DHRS12: variants seen among roughly 807,000 people sequenced by gnomAD.
The protein encoded by DHRS12 is dehydrogenase/reductase SDR family member 12.
Under a neutral mutation model 32.1 loss-of-function variants are expected in DHRS12, and 29 were observed. The ratio of observed to expected loss-of-function variants is 0.90; its 90% CI spans 0.67 to 1.23. The LOEUF (loss-of-function observed/expected upper bound fraction) is 1.23, where lower values mean the gene tolerates loss of function less well. Ranked by LOEUF, DHRS12 falls within the 50% of genes most tolerant of loss-of-function variation. The pLI is 0.00. For synonymous variants in DHRS12, 150 were observed against 135.9 expected, an observed-to-expected ratio of 1.10 and a Z score of -0.72; for missense variants, 330 against 337.2, an observed-to-expected ratio of 0.98 and a Z score of 0.17.
At chr13:51,770,733 A>G (rs941109216) in intron 7 of DHRS12, 90 of 998,584 alleles carry the variant, frequency 9.0e-5, no homozygotes, top group Non-Finnish European at 1.0e-4. Flanking sequence ...ACCTCTTTCT[A>G]TAGGGGTGTG....
chr13:51,788,578 C>T lies in DHRS12; in HGVS notation c.301+1433G>A, dbSNP rs537887178. ...AGTAAATTTAGCCTGGGCGCAGTGA[C>T]TCACACCTGTAATCCCAATACTTTG... On this transcript the variant is annotated intron_variant, in intron 4 of 8. Transcript: ENST00000444610. Among the ~76,000 whole-genome samples, 7 of 152,160 alleles carry T rather than the reference C, an allele frequency of 4.6e-5. No individual in the cohort carries two copies. The South Asian group carries it at 6.2e-4, about 14-fold the overall frequency.
intron 1 of DHRS12, among the ~76,000 whole-genome samples, chr13:51,802,169 TCACACACACACACACACACACA>T (rs56270918): frequency 5.2e-4 from 73 of 139,870 alleles, no homozygotes; most frequent in African/African-American, 1.5e-3. Context: ...TCTCTATTTT[TCACACACACACACACACACACA>T]CACACACACA....
intron 4 of DHRS12, among the ~76,000 whole-genome samples, chr13:51,780,019 A>G (rs1178937444): frequency 6.6e-6 from 1 of 152,100 alleles, no homozygotes; most frequent in Non-Finnish European, 1.5e-5. Flanking sequence ...TCTACTAAAA[A>G]TACAAAAATT....
intron 2 of DHRS12, among the ~76,000 whole-genome samples, chr13:51,797,259 T>C (rs1430198549): frequency 6.6e-6 from 1 of 152,208 alleles, no homozygotes; most frequent in African/African-American, 2.4e-5. Context: ...CTTTGTTGTG[T>C]AGAAATTCTA....
At chr13:51,756,204 G>T in the DHRS12 span, 1 of 1,351,536 alleles carries the variant, frequency 7.4e-7, no homozygotes, top group Non-Finnish European at 1.0e-6. Context: ...TTTAGTTCTG[G>T]GGCTCTCTTG....
chr13:51,787,779 T>C (rs1038464937), intron 4 of DHRS12, among the ~76,000 whole-genome samples: 2 of 50,494 alleles, frequency 4.0e-5, no homozygotes, highest in African/African-American at 1.6e-4. Flanking sequence ...AAATTATATA[T>C]AATTTATAAT....
At position 51,798,027 on chromosome 13, in the gene DHRS12, T is replaced by A. The variant is rs143831001; in HGVS notation, c.126+1507A>T. 793 of 1,034,356 alleles carry A rather than the reference T, an allele frequency of 7.7e-4. 6 individuals are homozygous for A. In the African/African-American group the frequency reaches 0.011, roughly 15 times the overall value. 64.1% of individuals were successfully genotyped at this position (1,034,356 alleles called of 1,614,324 possible). On this transcript the variant is annotated intron_variant, in intron 2 of 8. Transcript: ENST00000444610. ...TTGACACTCTTCTGTTAAGCCTAGA[T>A]GGGTGGTTCCCAGAGTTAAGAGCAG...
At chr13:51,792,587 A>G (rs1402140999) in intron 2 of DHRS12, among the ~76,000 whole-genome samples, 1 of 152,040 alleles carries the variant, frequency 6.6e-6, no homozygotes, top group Non-Finnish European at 1.5e-5. Context: ...TTTAGGAGAG[A>G]CGGTGTTTCA....
chr13:51,777,457 T>C (rs1238953080), intron 4 of DHRS12: 2 of 285,810 alleles, frequency 7.0e-6, no homozygotes, highest in Non-Finnish European at 1.3e-5. Flanking sequence ...CACAGAAAAA[T>C]GTGAAGATGA....
At chr13:51,778,697 C>G (rs1323186168) in intron 4 of DHRS12, among the ~76,000 whole-genome samples, 2 of 152,150 alleles carry the variant, frequency 1.3e-5, no homozygotes, top group East Asian at 3.9e-4. Flanking sequence ...CTGGGGTGAG[C>G]CCCTTTGCAC....
the DHRS12 span, chr13:51,758,154 C>T: frequency 2.0e-6 from 3 of 1,492,304 alleles, no homozygotes; most frequent in African/African-American, 2.7e-5. Flanking sequence ...CATATGTCAC[C>T]ACCTTTTCCC....
At chr13:51,787,531 C>T (rs1468956373) in intron 4 of DHRS12, among the ~76,000 whole-genome samples, 2 of 151,296 alleles carry the variant, frequency 1.3e-5, no homozygotes, top group Admixed American at 6.6e-5. Context: ...GAGCGTGGGT[C>T]GTGGAGGAAG....
intron 5 of DHRS12, 155 bp from the exon 6 acceptor site, chr13:51,774,189 A>G: frequency 9.6e-6 from 6 of 626,096 alleles, no homozygotes; most frequent in South Asian, 1.9e-5. Flanking sequence ...ATTCTCCTAC[A>G]GTACATGTAT....
chr13:51,759,629 G>T, the DHRS12 span: 1 of 883,314 alleles, frequency 1.1e-6, no homozygotes, highest in South Asian at 1.6e-5. Context: ...TGTTAGTATA[G>T]TATGTGGTGG....
Position 51,771,476 on chromosome 13 carries a change from C to T in DHRS12, c.559+345G>A, listed in dbSNP as rs1954011026. 4 of 1,614,164 alleles carry T rather than the reference C, an allele frequency of 2.5e-6. No individual in the cohort carries two copies. In the African/African-American group the frequency reaches 4.0e-5, roughly 16 times the overall value. On this transcript the variant is annotated intron_variant, in intron 7 of 8. Coordinates refer to ENST00000444610, the MANE Select transcript of DHRS12 (RefSeq NM_001377533.1). ...TCTGGGCCTCTCCCACTACCTTCCT[C>T]AGCTCCTGCTCATTCCTGTCTGACG...
Position 51,771,091 on chromosome 13 carries a change from C to T in DHRS12, c.559+730G>A, listed in dbSNP as rs74086275. On this transcript the variant is annotated intron_variant, in intron 7 of 8. Coordinates refer to ENST00000444610, the MANE Select transcript of DHRS12 (RefSeq NM_001377533.1). ...GTCTTAGCCTCTCTGGGCCTCAGTTCCCTCATCTGTAAATGGGTGTGATAA... is the reference window on the plus strand; with the variant it reads ...GTCTTAGCCTCTCTGGGCCTCAGTTTCCTCATCTGTAAATGGGTGTGATAA... The T allele has an allele frequency of 6.8e-4, 994 of 1,455,638 alleles. 9 individuals carry two copies. In the African/African-American group the frequency reaches 0.013, roughly 19 times the overall value. 90.2% of individuals were successfully genotyped at this position (1,455,638 alleles called of 1,614,324 possible). A position where few individuals can be genotyped will look rare whatever the true frequency, so the allele number is the denominator to read the frequency against.
the DHRS12 span, among the ~76,000 whole-genome samples, chr13:51,755,737 G>A: frequency 1.3e-5 from 2 of 152,172 alleles, no homozygotes; most frequent in African/African-American, 4.8e-5. Context: ...GAGGTGTCAT[G>A]CTTAGTTCGT....
intron 7 of DHRS12, 88 bp downstream of exon 7, chr13:51,771,733 G>T: frequency 6.6e-7 from 1 of 1,511,564 alleles, no homozygotes; most frequent in Non-Finnish European, 9.1e-7. Context: ...CTGGTTTTAG[G>T]TCATTCCTGG....
At chr13:51,801,495 T>C (rs1955753125) in intron 1 of DHRS12, among the ~76,000 whole-genome samples, 1 of 152,222 alleles carries the variant, frequency 6.6e-6, no homozygotes, top group South Asian at 2.1e-4. Flanking sequence ...GGTGACATTA[T>C]TATTATCACT....
Sources: allele counts gnomAD v4.1 joint callset (sites outside exome capture counted in the v4.1 genomes callset), GRCh38; gene constraint gnomAD v4.1.1; transcripts MANE v1.5; gene names NCBI Gene and HGNC (gene_info 2026-07-23, HGNC 2026-07-21).